The following FRMD6 variants were observed in gnomAD, a reference collection of about 807,000 sequenced individuals.
FRMD6 encodes the protein FERM domain-containing protein 6.
In FRMD6, 37 loss-of-function variants were observed where a neutral mutation model predicts 73.2. That is an observed-to-expected ratio of 0.51 (90% CI 0.39 to 0.66). The LOEUF is 0.66. Ranked by LOEUF, FRMD6 falls within the 30% of genes least tolerant of loss-of-function variation. FRMD6 has a pLI of 0.00. For synonymous variants in FRMD6, 273 were observed against 282.2 expected (o/e 0.97, Z 0.33); for missense variants, 714 against 780.5 (o/e 0.91, Z 1.02).
At chr14:51,652,647 GC>G (rs1374665196) in intron 1 of FRMD6, among the ~76,000 whole-genome samples, 1 of 152,252 alleles carries the variant, frequency 6.6e-6, no homozygotes, top group African/African-American at 2.4e-5. Flanking sequence ...GGGCAGATCG[GC>G]GCCAGACGGG....
chr14:51,535,569 A>G (rs2140348664), intron 1 of FRMD6, among the ~76,000 whole-genome samples: 1 of 152,340 alleles, frequency 6.6e-6, no homozygotes, highest in East Asian at 1.9e-4. Flanking sequence ...GTTCCTTTTT[A>G]TGGCCAAATA....
chr14:51,693,009 G>A (rs912234979), intron 2 of FRMD6: 1 of 152,164 alleles, frequency 6.6e-6, no homozygotes, highest in Non-Finnish European at 1.5e-5. Context: ...AACTTGCCCA[G>A]TACCTGGTAC....
chr14:51,700,765 A>G (rs900520470), intron 3 of FRMD6, among the ~76,000 whole-genome samples: 3 of 151,976 alleles, frequency 2.0e-5, no homozygotes, highest in African/African-American at 7.2e-5. Flanking sequence ...AGTCATAATG[A>G]CCCTAGAAAC....
chr14:51,468,313 G>A, the FRMD6 span, among the ~76,000 whole-genome samples: 1 of 145,746 alleles, frequency 6.9e-6, no homozygotes, highest in African/African-American at 2.5e-5. Flanking sequence ...GAGGGGGAGG[G>A]GGAGGGAGAG....
chr14:51,452,843 C>T, the FRMD6 span, among the ~76,000 whole-genome samples: 1 of 152,106 alleles, frequency 6.6e-6, no homozygotes, highest in Non-Finnish European at 1.5e-5. Flanking sequence ...AAAGCATGAG[C>T]AGTCATTAGG....
the FRMD6 span, among the ~76,000 whole-genome samples, chr14:51,446,894 A>G: frequency 6.6e-6 from 1 of 152,218 alleles, no homozygotes; most frequent in African/African-American, 2.4e-5. Flanking sequence ...GAGGAGATCC[A>G]TCATGACGAC....
intron 1 of FRMD6, among the ~76,000 whole-genome samples, chr14:51,669,067 G>T (rs1485956512): frequency 2.0e-5 from 3 of 152,180 alleles, no homozygotes; most frequent in African/African-American, 7.2e-5. Flanking sequence ...ATATCATCAT[G>T]TAACCAGCAC....
chr14:51,492,434 A>G (rs12437104), intron 1 of FRMD6, among the ~76,000 whole-genome samples: 23,007 of 152,096 alleles, frequency 0.15, 1,929 homozygotes, highest in Non-Finnish European at 0.19. Context: ...GGGATGCCAG[A>G]GGAGGGCCAA....
At chr14:51,549,982 T>A (rs1416742748) in intron 1 of FRMD6, among the ~76,000 whole-genome samples, 2 of 152,198 alleles carry the variant, frequency 1.3e-5, no homozygotes, top group East Asian at 1.9e-4. Flanking sequence ...CCTAAACCAA[T>A]GGCTTTTTAA....
chr14:51,436,655 G>A, the FRMD6 span: 1 of 533,672 alleles, frequency 1.9e-6, no homozygotes. Flanking sequence ...CTGGTTTACT[G>A]ACCATTCTGA....
At chr14:51,402,789 C>G in the FRMD6 span, among the ~76,000 whole-genome samples, 1 of 152,182 alleles carries the variant, frequency 6.6e-6, no homozygotes, top group South Asian at 2.1e-4. Flanking sequence ...CAGGTGCCCA[C>G]CACCATGCCC....
At chr14:51,717,945 G>A (rs1319762111) in intron 10 of FRMD6, among the ~76,000 whole-genome samples, 1 of 152,146 alleles carries the variant, frequency 6.6e-6, no homozygotes, top group African/African-American at 2.4e-5. Flanking sequence ...TTATTCCTAG[G>A]ATAAGTATTC....
intron 6 of FRMD6, among the ~76,000 whole-genome samples, chr14:51,705,446 CCTGT>C (rs1420984490): frequency 1.3e-5 from 2 of 152,010 alleles, no homozygotes; most frequent in African/African-American, 2.4e-5. Context: ...TCCACTCCAC[CCTGT>C]CTGTTTCTCT....
intron 1 of FRMD6, among the ~76,000 whole-genome samples, chr14:51,678,278 G>A (rs926385799): frequency 2.6e-5 from 4 of 152,242 alleles, no homozygotes; most frequent in African/African-American, 7.2e-5. Flanking sequence ...ATTTGAGTTG[G>A]ATATTTTTGG....
the FRMD6 span, among the ~76,000 whole-genome samples, chr14:51,402,163 A>C: frequency 1.3e-5 from 2 of 152,272 alleles, no homozygotes; most frequent in Non-Finnish European, 2.9e-5. Context: ...TGGGATAAAA[A>C]GAATCATTAT....
At chr14:51,568,510 G>A (rs1411601985) in intron 1 of FRMD6, among the ~76,000 whole-genome samples, 2 of 152,226 alleles carry the variant, frequency 1.3e-5, no homozygotes, top group Admixed American at 1.3e-4. Context: ...GGCGAACACT[G>A]CAAGAAACTT....
chr14:51,414,505 TG>T, the FRMD6 span, among the ~76,000 whole-genome samples: 6 of 150,924 alleles, frequency 4.0e-5, no homozygotes, highest in African/African-American at 9.8e-5. Context: ...TCTTTTCCAT[TG>T]GTCTATATCT....
the FRMD6 span, among the ~76,000 whole-genome samples, chr14:51,434,698 AT>A: frequency 6.6e-6 from 1 of 152,196 alleles, no homozygotes; most frequent in Non-Finnish European, 1.5e-5. Context: ...ACTAAAATTA[AT>A]GAAGAAATAA....
intron 2 of FRMD6, among the ~76,000 whole-genome samples, chr14:51,583,982 C>A (rs975557001): frequency 1.3e-5 from 2 of 152,156 alleles, no homozygotes; most frequent in African/African-American, 4.8e-5. Flanking sequence ...GAGCCTTGAG[C>A]ACCAGGTTTA....
Sources: gnomAD v4.1 joint callset for allele counts (sites outside exome capture counted in the v4.1 genomes callset) on GRCh38, gnomAD v4.1.1 for gene constraint, MANE v1.5 for transcripts, NCBI Gene and HGNC (gene_info 2026-07-23, HGNC 2026-07-21) for gene names.